The following SAMD12 variants were observed in gnomAD, a reference collection of about 807,000 sequenced individuals.
SAMD12 encodes the protein sterile alpha motif domain containing 12.
A neutral mutation model predicts 15.0 loss-of-function variants in SAMD12; 9 were observed. That is an observed-to-expected ratio of 0.60 (90% CI 0.36 to 1.05). SAMD12 has a LOEUF of 1.05. Among genes scored for constraint, SAMD12 ranks in the 50% least tolerant of loss-of-function variants. The pLI is 0.01. For synonymous variants in SAMD12, 86 were observed against 90.1 expected, an observed-to-expected ratio of 0.96 and a Z score of 0.25; for missense variants, 230 against 234.2, an observed-to-expected ratio of 0.98 and a Z score of 0.12.
chr8:118,587,029 G>T (rs1827468011), intron 1 of SAMD12, among the ~76,000 whole-genome samples: 1 of 152,206 alleles, frequency 6.6e-6, no homozygotes, highest in African/African-American at 2.4e-5. Context: ...GCAAAGCAGA[G>T]ACTATCTTAT....
chr8:118,518,139 A>C (rs944609808), intron 2 of SAMD12, among the ~76,000 whole-genome samples: 1 of 152,208 alleles, frequency 6.6e-6, no homozygotes, highest in African/African-American at 2.4e-5. Context: ...CTGTGGCCAA[A>C]GGGATAGCAT....
chr8:118,514,385 G>A (rs1158823022), intron 2 of SAMD12, among the ~76,000 whole-genome samples: 2 of 152,106 alleles, frequency 1.3e-5, no homozygotes, highest in Admixed American at 6.5e-5. Flanking sequence ...GGCCAAAAGG[G>A]GTCCCACAGG....
Position 118,418,481 on chromosome 8 carries a change from C to T in SAMD12, c.322+21351G>A, listed in dbSNP as rs992458791. Among the ~76,000 whole-genome samples the T allele has an allele frequency of 5.3e-5, 8 of 152,088 alleles. No homozygotes were observed. The East Asian group carries it at 5.8e-4, about 11-fold the overall frequency. On this transcript the variant is annotated intron_variant, in intron 3 of 3. Transcript: ENST00000314727. The stretch of plus-strand genomic sequence containing the variant: ...CTGTAATCCCAGCACTTTGGGAGGC[C>T]GAGGCGGGTGGATCACAAGGTCAGG...
chr8:118,394,993 G>T (rs1249456625), intron 3 of SAMD12: 2 of 152,166 alleles, frequency 1.3e-5, no homozygotes, highest in East Asian at 3.9e-4. Context: ...ACACTACCCA[G>T]TAAGTTGCTT....
chr8:118,387,873 G>A (rs1023234806), intron 3 of SAMD12, among the ~76,000 whole-genome samples: 2 of 152,202 alleles, frequency 1.3e-5, no homozygotes, highest in South Asian at 4.1e-4. Context: ...AGGGCGTAAT[G>A]TTTCACTTGG....
rs180863726 is a variant in SAMD12 at position 118,602,918 on chromosome 8, G to C, written c.13+18886C>G. Reference sequence around the variant, plus strand: ...GGAAGAAAGAACTATGAAGAGAGGAGTACACTAAGAAAATAAAAATATCAT... The same window carrying C: ...GGAAGAAAGAACTATGAAGAGAGGACTACACTAAGAAAATAAAAATATCAT... On this transcript the variant is annotated intron_variant, in intron 1 of 3. Transcript: ENST00000314727. Among the ~76,000 whole-genome samples, 13 of 152,082 alleles carry C rather than the reference G, an allele frequency of 8.5e-5. No homozygotes were observed. The East Asian group carries it at 2.5e-3, about 29-fold the overall frequency.
At chr8:118,564,569 G>C (rs1309254318) in intron 2 of SAMD12, among the ~76,000 whole-genome samples, 1 of 152,194 alleles carries the variant, frequency 6.6e-6, no homozygotes, top group Non-Finnish European at 1.5e-5. Context: ...AGAAAGTCAT[G>C]ATCAATACTG....
At chr8:118,608,002 T>A (rs911975426) in intron 1 of SAMD12, among the ~76,000 whole-genome samples, 3 of 152,196 alleles carry the variant, frequency 2.0e-5, no homozygotes, top group Admixed American at 2.0e-4. Flanking sequence ...CTAGGCTAGG[T>A]ATAACCCTTT....
chr8:118,275,412 T>G (rs1813449042), intron 4 of SAMD12, among the ~76,000 whole-genome samples: 1 of 152,198 alleles, frequency 6.6e-6, no homozygotes, highest in Admixed American at 6.5e-5. Flanking sequence ...GTGTTTAGTT[T>G]TGGATCCAAG....
chr8:118,462,655 G>A (rs1278086657), intron 2 of SAMD12, among the ~76,000 whole-genome samples: 1 of 152,200 alleles, frequency 6.6e-6, no homozygotes, highest in Non-Finnish European at 1.5e-5. Flanking sequence ...AAGCAAGCAA[G>A]CGAACCTGAC....
At chr8:118,486,340 T>C (rs1359294056) in intron 2 of SAMD12, among the ~76,000 whole-genome samples, 6 of 151,156 alleles carry the variant, frequency 4.0e-5, no homozygotes, top group Admixed American at 2.0e-4. Flanking sequence ...GGCGTGAACC[T>C]GGGAGGTAGA....
intron 2 of SAMD12, among the ~76,000 whole-genome samples, chr8:118,500,101 A>G (rs1435997430): frequency 9.9e-6 from 1 of 101,224 alleles, no homozygotes; most frequent in Non-Finnish European, 1.9e-5. Flanking sequence ...TTGAGACAGC[A>G]GAGTTTCACT....
intron 2 of SAMD12, among the ~76,000 whole-genome samples, chr8:118,545,191 G>T (rs186811421): frequency 5.9e-5 from 9 of 152,300 alleles, no homozygotes; most frequent in Admixed American, 5.2e-4. Flanking sequence ...CCCAGGCCAG[G>T]CACAGTGGCT....
intron 2 of SAMD12, among the ~76,000 whole-genome samples, chr8:118,570,133 G>A (rs1213964612): frequency 1.3e-5 from 2 of 152,174 alleles, no homozygotes; most frequent in Non-Finnish European, 2.9e-5. Flanking sequence ...GCAGAGGAGG[G>A]TGAAAGAGCC....
chr8:118,276,856 A>G (rs374630958), intron 4 of SAMD12, among the ~76,000 whole-genome samples: 3 of 152,222 alleles, frequency 2.0e-5, no homozygotes, highest in East Asian at 3.9e-4. Context: ...TATTTTTAGT[A>G]GAGACAGGGT....
At position 118,330,053 on chromosome 8, in the gene SAMD12, C is replaced by A. The variant is rs1359778477; in HGVS notation, c.433+49507G>T. On this transcript the variant is annotated intron_variant, in intron 4 of 4. Coordinates refer to the SAMD12 transcript ENST00000409003. ...TGTAGGGAATAAAATGCACATGGCT[C>A]AATCACACAATTTTTCTCTAACCCA... is the stretch of plus-strand genomic sequence containing the variant. Among the ~76,000 whole-genome samples, 3 of 151,748 alleles carry A rather than the reference C, an allele frequency of 2.0e-5. No individual in the cohort carries two copies. The East Asian group carries it at 5.8e-4, about 29-fold the overall frequency.
intron 2 of SAMD12, among the ~76,000 whole-genome samples, chr8:118,554,997 A>G (rs527914061): frequency 3.2e-4 from 48 of 152,180 alleles, no homozygotes; most frequent in African/African-American, 1.1e-3. Context: ...AATATGCCAT[A>G]TTTTTCCATG....
intron 1 of SAMD12, among the ~76,000 whole-genome samples, chr8:118,613,864 T>A (rs1240206284): frequency 6.6e-6 from 1 of 152,218 alleles, no homozygotes. Flanking sequence ...ATTGCTGGTG[T>A]TAAGTGGCAA....
intron 2 of SAMD12, among the ~76,000 whole-genome samples, chr8:118,459,043 C>A (rs1375803338): frequency 6.8e-6 from 1 of 146,314 alleles, no homozygotes; most frequent in African/African-American, 2.6e-5. Context: ...TAAAAAAAAT[C>A]TGCTACCCAG....
Sources: gnomAD v4.1 joint callset for allele counts (sites outside exome capture counted in the v4.1 genomes callset) on GRCh38, gnomAD v4.1.1 for gene constraint, MANE v1.5 for transcripts, NCBI Gene and HGNC (gene_info 2026-07-23, HGNC 2026-07-21) for gene names.